Variants in CHD3 observed in about 807,000 individuals in gnomAD.
CHD3 encodes the protein ATP-dependent chromatin remodeler CHD3.
In CHD3, 52 loss-of-function variants were observed where a neutral mutation model predicts 248.9. The observed-to-expected ratio is 0.21, with a 90% CI of 0.17 to 0.26. The LOEUF (loss-of-function observed/expected upper bound fraction) is 0.26, where lower values mean the gene tolerates loss of function less well. Ranked by LOEUF, CHD3 falls within the 10% of genes least tolerant of loss-of-function variation. The pLI, the probability that CHD3 is intolerant of heterozygous loss-of-function variation, is 1.00. For missense variants in CHD3, 1,482 were observed against 2,605.8 expected, an observed-to-expected ratio of 0.57 and a Z score of 9.39; for synonymous variants, 985 against 985.2, an observed-to-expected ratio of 1.00 and a Z score of 0.00.
At position 7,907,852 on chromosome 17, in the gene CHD3, G is replaced by A. The variant is rs1175933385; in HGVS notation, c.5027-42G>A. On this transcript the variant is annotated intron_variant, in intron 33 of 39. Transcript: ENST00000330494. This position sits in a 1 kb window ranked among gnomAD's most constrained non-coding sequence, Gnocchi z 4.3. ...ATAGTAGTCTTGGGACCTGGGAGGA[G>A]GGTGTCCTGAGGTGTGAGCTTTGAC... 1.3e-5 allele frequency: 21 copies of A among 1,589,208 alleles called. No individual in the cohort carries two copies. Among genetic ancestry groups the A allele is most frequent in the Non-Finnish European group, 1.8e-5 (21 of 1,164,468 alleles).
chr17:7,908,547 T>A lies in CHD3; in HGVS notation c.5261+37T>A. 1 of 1,586,810 alleles carries A rather than the reference T, an allele frequency of 6.3e-7. No individual in the cohort carries two copies. The highest frequency in any genetic ancestry group is 8.6e-7 in the Non-Finnish European group (1 of 1,160,254). On this transcript the variant is annotated intron_variant, in intron 35 of 39. Coordinates refer to ENST00000330494, the MANE Select transcript of CHD3 (RefSeq NM_001005273.3). The surrounding 1 kb of genome is among the most constrained non-coding windows in gnomAD (Gnocchi z 5.8). Reference sequence around the variant, plus strand: ...TACACATGCAAGAAGGAAAAGGTTCTCTCAAGCTGGCAAAAAAAAAAAAGA... The same window carrying A: ...TACACATGCAAGAAGGAAAAGGTTCACTCAAGCTGGCAAAAAAAAAAAAGA...
rs1970487081 is a variant in CHD3 at position 7,902,922 on chromosome 17, ACT to A, written c.3371-11_3371-10del. On this transcript the variant is annotated splice_polypyrimidine_tract_variant and intron_variant, in intron 21 of 39. Coordinates refer to ENST00000330494, the MANE Select transcript of CHD3 (RefSeq NM_001005273.3). ...CCGGGTACAAGAAAAACCTGATCCA[ACT>A]CTCACCTCCTAGCTCCTGGGGCCCA... The A allele has an allele frequency of 6.2e-7, 1 of 1,611,588 alleles. No homozygotes were observed. The highest frequency in any genetic ancestry group is 1.7e-5 in the Admixed American group (1 of 59,748).
At position 7,893,589 on chromosome 17, in the gene CHD3, C is replaced by T. The variant is rs975943729; in HGVS notation, c.793+20C>T. 4 of 1,545,222 alleles carry T rather than the reference C, an allele frequency of 2.6e-6. No individual in the cohort carries two copies. The highest frequency in any genetic ancestry group is 2.8e-5 in the African/African-American group (2 of 72,560). The stretch of plus-strand genomic sequence containing the variant: ...GCAAAGGTAGGGAACTCTCTTCCAA[C>T]AACTGTCATCTCACCTTCCAAACTG... On this transcript the variant is annotated intron_variant, in intron 5 of 39. Transcript: ENST00000330494.
rs1036613104 is a variant in CHD3 at position 7,904,551 on chromosome 17, G to A, written c.4004G>A (p.Arg1335Gln). 3 of 1,614,030 alleles carry A rather than the reference G, an allele frequency of 1.9e-6. No homozygotes were observed. Among genetic ancestry groups the A allele is most frequent in the Non-Finnish European group, 2.5e-6 (3 of 1,180,042 alleles). The change falls in exon 25 of 40, where the codon CGG (arginine) becomes CAG (glutamine). Residue 1335 changes from arginine (R) to glutamine (Q), a missense_variant. Physicochemically the swap from Arg to Gln is conservative, Grantham distance 43. Transcript: ENST00000330494. This position sits in a 1 kb window ranked among gnomAD's most constrained non-coding sequence, Gnocchi z 4.4. ...GAGCAACAGCAGGAAGACCTAGCCCGGAATCTAGGCAAGGGCAAGCGGGTT... is the reference window on the plus strand; with the variant it reads ...GAGCAACAGCAGGAAGACCTAGCCCAGAATCTAGGCAAGGGCAAGCGGGTT... ...HYEQQQEDLA[R>Q]NLGKGKRVRK... is the part of the protein sequence containing the mutation.
rs1404607058 is a variant in CHD3, at chr17:7,889,739, A to C, written c.176A>C (p.Glu59Ala). 1.2e-6 allele frequency: 2 copies of C among 1,613,152 alleles called. No individual in the cohort carries two copies. The highest frequency in any genetic ancestry group is 2.7e-5 in the African/African-American group (2 of 74,910). ...AAACGAGGACCCAAGAAGCAGAAGGAGAACAAGCCAGGAAAACCCCGAAAA... is the reference window on the plus strand; with the variant it reads ...AAACGAGGACCCAAGAAGCAGAAGGCGAACAAGCCAGGAAAACCCCGAAAA... Reference protein sequence around the residue: ...KRKRGPKKQKENKPGKPRKRK... With the variant: ...KRKRGPKKQKANKPGKPRKRK... The change falls in exon 2 of 40, where the codon GAG (glutamate) becomes GCG (alanine). Residue 59 changes from glutamate to alanine, a missense_variant. Glu to Ala is a moderately radical substitution (Grantham distance 107). This residue lies in a region of CHD3 where 169 missense variants were observed against 168.1 expected (regional missense o/e 1.01). Coordinates refer to ENST00000330494, the MANE Select transcript of CHD3 (RefSeq NM_001005273.3). This position sits in a 1 kb window ranked among gnomAD's most constrained non-coding sequence, Gnocchi z 4.5.
At position 7,899,660 on chromosome 17, in the gene CHD3, C is replaced by T. The variant is rs1970076507; in HGVS notation, c.2544+117C>T. ...CCTTTCTCCTCTTCCTCCACCTGTC[C>T]TCCTGTCTCTGCACTACCATCCTAG... On this transcript the variant is annotated intron_variant, in intron 15 of 39. Coordinates refer to ENST00000330494, the MANE Select transcript of CHD3 (RefSeq NM_001005273.3). The surrounding 1 kb of genome is among the most constrained non-coding windows in gnomAD (Gnocchi z 6.8). 8.9e-7 allele frequency: 1 copy of T among 1,117,816 alleles called. No homozygotes were observed. Among genetic ancestry groups the T allele is most frequent in the South Asian group, 1.4e-5 (1 of 69,244 alleles). The allele number at this position is 1,117,816 out of a possible 1,614,324, so 69.2% of individuals were successfully genotyped here.
chr17:7,910,963 C>G lies in CHD3; in HGVS notation c.5871C>G (p.Ser1957=). The change falls in exon 39 of 40, where the codon TCC becomes TCG. Residue 1957 remains serine (S), a synonymous_variant. Transcript: ENST00000330494. The surrounding 1 kb of genome is among the most constrained non-coding windows in gnomAD (Gnocchi z 4.7). ...ATTACAGCCAGATGCCTGCAGGGTC[C>G]TTCATCACAGGTCAGCTGGTGTTTT... ...GANYSQMPAG[S]FITAATNGPP... 6.2e-7 allele frequency: 1 copy of G among 1,612,846 alleles called. No homozygotes were observed. Among genetic ancestry groups the G allele is most frequent in the Non-Finnish European group, 8.5e-7 (1 of 1,179,592 alleles).
chr17:7,909,534 T>G lies in CHD3; in HGVS notation c.5590+196T>G. On this transcript the variant is annotated intron_variant, in intron 37 of 39. Transcript: ENST00000330494. The surrounding 1 kb of genome is among the most constrained non-coding windows in gnomAD (Gnocchi z 8.1). Reference sequence around the variant, plus strand: ...TAGGACTTGTGCAAGCCAACCCTCATCCATGTCTGATAGCATTCACATCCG... The same window carrying G: ...TAGGACTTGTGCAAGCCAACCCTCAGCCATGTCTGATAGCATTCACATCCG... The G allele has an allele frequency of 1.4e-6, 1 of 735,724 alleles. No individual in the cohort carries two copies. Among genetic ancestry groups the G allele is most frequent in the African/African-American group, 1.8e-5 (1 of 54,578 alleles). 45.6% of individuals were successfully genotyped at this position (735,724 alleles called of 1,614,324 possible). A position where few individuals can be genotyped will look rare whatever the true frequency, so the allele number is the denominator to read the frequency against.
chr17:7,903,999 G>A lies in CHD3; in HGVS notation c.3894+8G>A, dbSNP rs371964265. 11 of 1,612,974 alleles carry A rather than the reference G, an allele frequency of 6.8e-6. No homozygotes were observed. Among genetic ancestry groups the A allele is most frequent in the Non-Finnish European group, 7.6e-6 (9 of 1,179,364 alleles). ...GTGCGGGAAGAAGACAAGGTGAGAG[G>A]CTTTGGGGGCCAGACATTATCTATC... On this transcript the variant is annotated splice_region_variant and intron_variant, in intron 24 of 39. Transcript: ENST00000330494. This position sits in a 1 kb window ranked among gnomAD's most constrained non-coding sequence, Gnocchi z 6.8.
In CHD3 at chr17:7,899,245, G is replaced by A; in HGVS notation, c.2343+43G>A. 6.2e-7 allele frequency: 1 copy of A among 1,603,552 alleles called. No homozygotes were observed. On this transcript the variant is annotated intron_variant, in intron 14 of 39. Transcript: ENST00000330494. The surrounding 1 kb of genome is among the most constrained non-coding windows in gnomAD (Gnocchi z 6.8). ...CTTGAAGGGGACCGCCTGGACTGGGGAAGTGGGGAGGGGGAAGATAAAGGG... is the reference window on the plus strand; with the variant it reads ...CTTGAAGGGGACCGCCTGGACTGGGAAAGTGGGGAGGGGGAAGATAAAGGG...
At chr17:7,887,875 C>T (rs974679862), upstream of CHD3, among the ~76,000 whole-genome samples, 1 of 152,232 alleles carries the variant, frequency 6.6e-6, no homozygotes, top group African/African-American at 2.4e-5. Flanking sequence ...ATTACCCTTC[C>T]TTGCTTTTCC....
chr17:7,908,901 AC>A lies in CHD3; in HGVS notation c.5394+74del, dbSNP rs894969207. On this transcript the variant is annotated intron_variant, in intron 36 of 39. Coordinates refer to ENST00000330494, the MANE Select transcript of CHD3 (RefSeq NM_001005273.3). This position sits in a 1 kb window ranked among gnomAD's most constrained non-coding sequence, Gnocchi z 5.8. ...AGAAGTGAGACCAGATCTAGTTGGA[AC>A]CTAGGGAAGGTTAACACCTTCAGGG... 2.6e-5 allele frequency: 41 copies of A among 1,597,748 alleles called. No individual in the cohort carries two copies. The highest frequency in any genetic ancestry group is 3.5e-5 in the Non-Finnish European group (41 of 1,168,174).
At chr17:7,893,741 C>G in intron 5 of CHD3, 64 bp from the exon 6 acceptor site, 1 of 1,581,100 alleles carries the variant, frequency 6.3e-7, no homozygotes, top group South Asian at 1.2e-5. Context: ...CCCCTGTGAC[C>G]TCCATAATTC....
At position 7,910,885 on chromosome 17, in the gene CHD3, C is replaced by T. The variant is rs370465148; in HGVS notation, c.5793C>T (p.Tyr1931=). 5.6e-6 allele frequency: 9 copies of T among 1,612,230 alleles called. No individual in the cohort carries two copies. The highest frequency in any genetic ancestry group is 1.1e-5 in the South Asian group (1 of 90,940). The change falls in exon 39 of 40, where the codon TAC becomes TAT. Residue 1931 remains tyrosine, a synonymous_variant. Coordinates refer to ENST00000330494, the MANE Select transcript of CHD3 (RefSeq NM_001005273.3). This position sits in a 1 kb window ranked among gnomAD's most constrained non-coding sequence, Gnocchi z 4.7. The part of the protein sequence containing the change: ...PPGPYATPPG[Y]GAAFSAAPVG... ...GTCCCTACGCTACACCTCCGGGGTACGGGGCGGCCTTCAGCGCCGCACCCG... is the reference window on the plus strand; with the variant it reads ...GTCCCTACGCTACACCTCCGGGGTATGGGGCGGCCTTCAGCGCCGCACCCG...
chr17:7,895,491 C>A lies in CHD3; in HGVS notation c.1656C>A (p.Val552=). 1.2e-6 allele frequency: 2 copies of A among 1,614,126 alleles called. No individual in the cohort carries two copies. Among genetic ancestry groups the A allele is most frequent in the Non-Finnish European group, 1.7e-6 (2 of 1,180,012 alleles). The part of the protein sequence containing the change: ...LQGRSEREFF[V]KWVGLSYWHC... ...GCAGATCAGAGCGAGAGTTCTTTGTCAAGTGGGTAGGACTATCCTACTGGC... is the reference window on the plus strand; with the variant it reads ...GCAGATCAGAGCGAGAGTTCTTTGTAAAGTGGGTAGGACTATCCTACTGGC... The change falls in exon 10 of 40, where the codon GTC becomes GTA. Residue 552 remains valine, a synonymous_variant. Transcript: ENST00000330494. The surrounding 1 kb of genome is among the most constrained non-coding windows in gnomAD (Gnocchi z 4.9).
Position 7,899,757 on chromosome 17 carries a change from C to CCATG in CHD3, c.2545-138_2545-135dup. 2 of 1,189,504 alleles carry CCATG rather than the reference C, an allele frequency of 1.7e-6. No homozygotes were observed. Among genetic ancestry groups the CCATG allele is most frequent in the Non-Finnish European group, 2.4e-6 (2 of 831,800 alleles). 73.7% of individuals were successfully genotyped at this position (1,189,504 alleles called of 1,614,324 possible). On this transcript the variant is annotated intron_variant, in intron 15 of 39. Coordinates refer to ENST00000330494, the MANE Select transcript of CHD3 (RefSeq NM_001005273.3). The surrounding 1 kb of genome is among the most constrained non-coding windows in gnomAD (Gnocchi z 6.8). ...GGAAATGTGGGCAGAGGTTTAGGAG[C>CCATG]CATGGTCTGTAATCCCTGCTTGGAG...
Position 7,908,439 on chromosome 17 carries a change from T to C in CHD3, c.5190T>C (p.Ala1730=), listed in dbSNP as rs768470689. ...HTLWQNEERA[A]ISSGKLNEIW... ...TGTGGCAGAATGAGGAACGGGCAGCTATTTCCTCGGGGAAACTCAATGAGA... is the reference window on the plus strand; with the variant it reads ...TGTGGCAGAATGAGGAACGGGCAGCCATTTCCTCGGGGAAACTCAATGAGA... The change falls in exon 35 of 40, where the codon GCT becomes GCC. Residue 1730 remains alanine, a synonymous_variant. Coordinates refer to ENST00000330494, the MANE Select transcript of CHD3 (RefSeq NM_001005273.3). This position sits in a 1 kb window ranked among gnomAD's most constrained non-coding sequence, Gnocchi z 5.8. 1.2e-6 allele frequency: 2 copies of C among 1,613,868 alleles called. No individual in the cohort carries two copies. The highest frequency in any genetic ancestry group is 1.3e-5 in the African/African-American group (1 of 75,048).
rs1969152220 is a variant in CHD3 at position 7,893,386 on chromosome 17, G to A, written c.610G>A (p.Gly204Arg). 6.2e-7 allele frequency: 1 copy of A among 1,613,722 alleles called. No homozygotes were observed. The highest frequency in any genetic ancestry group is 8.5e-7 in the Non-Finnish European group (1 of 1,179,918). Reference protein sequence around the residue: ...REFSANNPFKGSAAAVAAAAA... With the variant: ...REFSANNPFKRSAAAVAAAAA... ...GTTCAGTGCCAACAACCCCTTCAAG[G>A]GGTCAGCAGCTGCTGTGGCGGCGGC... The change falls in exon 5 of 40, where the codon GGG becomes AGG. Residue 204 changes from glycine (G) to arginine (R), a missense_variant. Transcript: ENST00000330494.
In CHD3 at chr17:7,898,528, C is replaced by T. The variant is rs1969954027; in HGVS notation, c.2084C>T (p.Pro695Leu). ...ATTATGGGGGAAGACCCTGCCCAGCCCCGCAAGTATAAGAAGAAGAAGAAG... is the reference window on the plus strand; with the variant it reads ...ATTATGGGGGAAGACCCTGCCCAGCTCCGCAAGTATAAGAAGAAGAAGAAG... ...ELIMGEDPAQ[P>L]RKYKKKKKEL... Residue 695 changes from proline (P) to leucine (L), a missense_variant, in exon 13 of 40, where the codon CCC becomes CTC. Transcript: ENST00000330494. 1.6e-5 allele frequency: 26 copies of T among 1,613,956 alleles called. No individual in the cohort carries two copies. The highest frequency in any genetic ancestry group is 1.9e-5 in the Non-Finnish European group (23 of 1,179,994).
Sources: gnomAD v4.1 joint callset for allele counts (sites outside exome capture counted in the v4.1 genomes callset) on GRCh38, gnomAD v4.1.1 for gene constraint, gnomAD v4.1.1 regional missense constraint, Gnocchi (gnomAD v3.1) non-coding constraint, MANE v1.5 for transcripts, NCBI Gene and HGNC (gene_info 2026-07-23, HGNC 2026-07-21) for gene names.